The following TMEM79 variants were observed in gnomAD, a reference collection of about 807,000 sequenced individuals.
TMEM79 encodes the protein mattrin.
Under a neutral mutation model 31.2 loss-of-function variants are expected in TMEM79, and 30 were observed. That is an observed-to-expected ratio of 0.96 (90% confidence interval 0.72 to 1.30). The LOEUF (loss-of-function observed/expected upper bound fraction) is 1.30, where lower values mean the gene tolerates loss of function less well. Ranked by LOEUF, TMEM79 falls within the 50% of genes most tolerant of loss-of-function variation. The pLI is 0.00. For synonymous variants in TMEM79, 213 were observed against 229.5 expected (o/e 0.93, Z 0.65); for missense variants, 509 against 528.2 (o/e 0.96, Z 0.36).
upstream of TMEM79, among the ~76,000 whole-genome samples, chr1:156,283,654 G>T (rs1196662520): frequency 4.6e-5 from 7 of 152,194 alleles, no homozygotes; most frequent in African/African-American, 1.7e-4. Context: ...GTTTTTGCCT[G>T]TGTATGAATT....
Position 156,291,590 on chromosome 1 carries a change from T to A in TMEM79, c.1177T>A (p.Trp393Arg), listed in dbSNP as rs879888355. Reference sequence around the variant, plus strand: ...GGCCTCCGACTACAGGCCCCGCCCCTGGGGCTGAGCCTCTCCGCCCTCGCC... The same window carrying A: ...GGCCTCCGACTACAGGCCCCGCCCCAGGGGCTGAGCCTCTCCGCCCTCGCC... Reference protein sequence around the residue: ...RSASDYRPRPWG With the variant: ...RSASDYRPRPRG The change falls in exon 4 of 4, where the codon TGG becomes AGG. Residue 393 changes from tryptophan to arginine, a missense_variant. Trp to Arg is a moderately radical substitution (Grantham distance 101). Coordinates refer to ENST00000405535, the MANE Select transcript of TMEM79 (RefSeq NM_032323.3). 30 of 1,611,114 alleles carry A rather than the reference T, an allele frequency of 1.9e-5. No homozygotes were observed. The highest frequency in any genetic ancestry group is 2.5e-5 in the Non-Finnish European group (29 of 1,179,814).
rs751996017 is a variant in TMEM79, at chr1:156,291,537, G to A, written c.1124G>A (p.Arg375His). The A allele has an allele frequency of 3.9e-5, 62 of 1,610,080 alleles. No homozygotes were observed. In the East Asian group the frequency reaches 1.3e-3, roughly 35 times the overall value. Residue 375 changes from arginine to histidine, a missense_variant, in exon 4 of 4, where the codon CGC becomes CAC. By Grantham distance (29) the Arg-to-His change is conservative. Coordinates refer to ENST00000405535, the MANE Select transcript of TMEM79 (RefSeq NM_032323.3). ...CGCATGCTCACTGCCACCGAGAGCC[G>A]CCTGGACTACCCGGACCACGCCCGC... ...PERMLTATES[R>H]LDYPDHARSA...
At chr1:156,289,131 G>C (rs769286348) in intron 3 of TMEM79, among the ~76,000 whole-genome samples, 1 of 152,182 alleles carries the variant, frequency 6.6e-6, no homozygotes, top group Non-Finnish European at 1.5e-5. Flanking sequence ...TGTAAAATGA[G>C]GTCGTTATGA....
chr1:156,285,740 CG>C lies in TMEM79; in HGVS notation c.515del (p.Arg172ProfsTer8). 6.2e-7 allele frequency: 1 copy of C among 1,613,108 alleles called. No individual in the cohort carries two copies. On this transcript the variant is annotated frameshift_variant, in exon 2 of 4. Transcript: ENST00000405535. LOFTEE classifies it high-confidence loss of function. ...PRVTHPDPTE[R>X]KWAEAVVRPP... ...GGTCACCCACCCCGACCCCACTGAGCGCAAGTGGGCTGAGGCAGTGGTGAGG... is the reference window on the plus strand; with the variant it reads ...GGTCACCCACCCCGACCCCACTGAGCCAAGTGGGCTGAGGCAGTGGTGAGG...
chr1:156,288,360 G>T (rs1663227431), intron 3 of TMEM79, among the ~76,000 whole-genome samples: 2 of 147,070 alleles, frequency 1.4e-5, no homozygotes, highest in Non-Finnish European at 3.0e-5. Flanking sequence ...TTTTGAGATG[G>T]TGTCTTACTC....
intron 3 of TMEM79, among the ~76,000 whole-genome samples, chr1:156,287,557 A>G (rs1262316156): frequency 6.6e-6 from 1 of 150,684 alleles, no homozygotes; most frequent in African/African-American, 2.4e-5. Flanking sequence ...CCTTTTCTTC[A>G]TACAAACCAA....
intron 3 of TMEM79, among the ~76,000 whole-genome samples, chr1:156,289,688 A>G (rs942200949): frequency 1.3e-5 from 2 of 152,230 alleles, no homozygotes; most frequent in African/African-American, 4.8e-5. Context: ...TGCAGAAGAG[A>G]AGCAGCAGTT....
chr1:156,291,919 C>T lies in TMEM79; in HGVS notation c.*321C>T, dbSNP rs1663350536. On this transcript the variant is annotated 3_prime_UTR_variant, in exon 4 of 4. Transcript: ENST00000405535. ...CACAGCTCCTTCCTGAGCAGCCTCTCACCACTGCCACAAGGCTCCCTAATG... is the reference window on the plus strand; with the variant it reads ...CACAGCTCCTTCCTGAGCAGCCTCTTACCACTGCCACAAGGCTCCCTAATG... 3.0e-5 allele frequency: 17 copies of T among 565,860 alleles called. No homozygotes were observed. The South Asian group carries it at 4.0e-4, about 13-fold the overall frequency. The allele number at this position is 565,860 out of a possible 1,614,324, so 35.1% of individuals were successfully genotyped here. A position where few individuals can be genotyped will look rare whatever the true frequency, so the allele number is the denominator to read the frequency against.
intron 3 of TMEM79, among the ~76,000 whole-genome samples, chr1:156,288,193 G>A (rs1313872483): frequency 9.1e-5 from 12 of 132,270 alleles, no homozygotes; most frequent in African/African-American, 3.2e-4. Flanking sequence ...GTGAGACTCC[G>A]TCTCAAAAAA....
rs760929767 is a variant in TMEM79 at position 156,291,591 on chromosome 1, G to T, written c.1178G>T (p.Trp393Leu). 1 of 1,611,640 alleles carries T rather than the reference G, an allele frequency of 6.2e-7. No homozygotes were observed. Among genetic ancestry groups the T allele is most frequent in the Non-Finnish European group, 8.5e-7 (1 of 1,179,872 alleles). ...RSASDYRPRP[W>L]G ...GCCTCCGACTACAGGCCCCGCCCCT[G>T]GGGCTGAGCCTCTCCGCCCTCGCCC... The change falls in exon 4 of 4, where the codon TGG becomes TTG. Residue 393 changes from tryptophan to leucine, a missense_variant. By Grantham distance (61) the Trp-to-Leu change is moderately conservative. Coordinates refer to ENST00000405535, the MANE Select transcript of TMEM79 (RefSeq NM_032323.3).
In TMEM79 at chr1:156,291,885, G is replaced by C; in HGVS notation, c.*287G>C. 1.7e-6 allele frequency: 1 copy of C among 589,166 alleles called. No homozygotes were observed. Among genetic ancestry groups the C allele is most frequent in the East Asian group, 2.8e-5 (1 of 36,040 alleles). 36.5% of individuals were successfully genotyped at this position (589,166 alleles called of 1,614,324 possible). A position where few individuals can be genotyped will look rare whatever the true frequency, so the allele number is the denominator to read the frequency against. ...TGCTGAGGGCATGGGGCCAGGACCA[G>C]GGGAGAGGCACAGCTCCTTCCTGAG... On this transcript the variant is annotated 3_prime_UTR_variant, in exon 4 of 4. Transcript: ENST00000405535.
Position 156,291,483 on chromosome 1 carries a change from TCTA to T in TMEM79, c.1075_1077del (p.Tyr359del), listed in dbSNP as rs1313192347. 6 of 1,613,306 alleles carry T rather than the reference TCTA, an allele frequency of 3.7e-6. No individual in the cohort carries two copies. The highest frequency in any genetic ancestry group is 5.1e-6 in the Non-Finnish European group (6 of 1,180,022). ...CTGCTGTCGATGCTGATGTGGAACC[TCTA>T]CTACATGTTCGTGGTGGAGCCGGAG... On this transcript the variant is annotated inframe_deletion, in exon 4 of 4. Coordinates refer to ENST00000405535, the MANE Select transcript of TMEM79 (RefSeq NM_032323.3).
At chr1:156,285,058 C>T in intron 1 of TMEM79, 126 bp from the exon 2 acceptor site, 1 of 671,274 alleles carries the variant, frequency 1.5e-6, no homozygotes, top group Non-Finnish European at 2.3e-6. Flanking sequence ...ACCACGTTCT[C>T]CCTAAGGCTC....
Position 156,291,514 on chromosome 1 carries a change from C to G in TMEM79, c.1101C>G (p.Arg367=), listed in dbSNP as rs1663332854. Residue 367 remains arginine, a synonymous_variant, in exon 4 of 4, where the codon CGC becomes CGG. Transcript: ENST00000405535. ...LYYMFVVEPE[R]MLTATESRLD... ...ACATGTTCGTGGTGGAGCCGGAGCG[C>G]ATGCTCACTGCCACCGAGAGCCGCC... 2 of 1,610,270 alleles carry G rather than the reference C, an allele frequency of 1.2e-6. No homozygotes were observed. The highest frequency in any genetic ancestry group is 1.1e-5 in the South Asian group (1 of 90,994).
At position 156,285,499 on chromosome 1, in the gene TMEM79, C is replaced by T. The variant is rs1239876297; in HGVS notation, c.273C>T (p.Pro91=). The change falls in exon 2 of 4, where the codon CCC becomes CCT. Residue 91 remains proline, a synonymous_variant. Coordinates refer to ENST00000405535, the MANE Select transcript of TMEM79 (RefSeq NM_032323.3). ...GPQPSAPFPD[P]PGWRDIEPEP... is the part of the protein sequence containing the mutation. Reference sequence around the variant, plus strand: ...AGCCCAGTGCTCCGTTCCCGGATCCCCCTGGCTGGCGGGACATTGAACCAG... The same window carrying T: ...AGCCCAGTGCTCCGTTCCCGGATCCTCCTGGCTGGCGGGACATTGAACCAG... 1.2e-6 allele frequency: 2 copies of T among 1,614,176 alleles called. No homozygotes were observed. The highest frequency in any genetic ancestry group is 1.7e-6 in the Non-Finnish European group (2 of 1,180,046).
upstream of TMEM79, among the ~76,000 whole-genome samples, chr1:156,284,063 A>C (rs1017224369): frequency 1.3e-5 from 2 of 152,146 alleles, no homozygotes; most frequent in African/African-American, 4.8e-5. Context: ...TACTCCGAGC[A>C]CCCTTTGTTG....
chr1:156,285,882 A>G lies in TMEM79; in HGVS notation c.656A>G (p.Tyr219Cys), dbSNP rs1448431216. The G allele has an allele frequency of 6.2e-7, 1 of 1,613,800 alleles. No individual in the cohort carries two copies. Reference protein sequence around the residue: ...ILFPCLLYGAYAFLPFDVPRL... With the variant: ...ILFPCLLYGACAFLPFDVPRL... The stretch of plus-strand genomic sequence containing the variant: ...TTCCCTTGCCTACTATACGGGGCAT[A>G]TGCCTTCCTGCCGTTTGATGTCCCA... The change falls in exon 2 of 4, where the codon TAT becomes TGT. Residue 219 changes from tyrosine to cysteine, a missense_variant. Coordinates refer to ENST00000405535, the MANE Select transcript of TMEM79 (RefSeq NM_032323.3).
intron 3 of TMEM79, among the ~76,000 whole-genome samples, chr1:156,289,808 T>G (rs1663264627): frequency 6.6e-6 from 1 of 152,190 alleles, no homozygotes; most frequent in African/African-American, 2.4e-5. Context: ...AGGAAGTTGC[T>G]CTCCCCTCCC....
chr1:156,285,865 C>A lies in TMEM79; in HGVS notation c.639C>A (p.Cys213Ter). Residue 213 changes from cysteine (C) to a stop codon, truncating the protein, a stop_gained, in exon 2 of 4, where the codon TGC becomes TGA. Coordinates refer to ENST00000405535, the MANE Select transcript of TMEM79 (RefSeq NM_032323.3). LOFTEE classifies it high-confidence loss of function. The stretch of plus-strand genomic sequence containing the variant: ...GAGCCGCACTCATTCTCTTCCCTTG[C>A]CTACTATACGGGGCATATGCCTTCC... ...SVGAALILFP[C>*]LLYGAYAFLP... 1 of 1,613,882 alleles carries A rather than the reference C, an allele frequency of 6.2e-7. No individual in the cohort carries two copies. Among genetic ancestry groups the A allele is most frequent in the Non-Finnish European group, 8.5e-7 (1 of 1,180,044 alleles).
Sources: gnomAD v4.1 joint callset for allele counts (sites outside exome capture counted in the v4.1 genomes callset) on GRCh38, gnomAD v4.1.1 for gene constraint, MANE v1.5 for transcripts, NCBI Gene and HGNC (gene_info 2026-07-23, HGNC 2026-07-21) for gene names.